Variants in FOXK2 observed in about 807,000 individuals in gnomAD.
FOXK2 encodes forkhead box K2, also known as forkhead box protein K2.
Under a neutral mutation model 53.3 loss-of-function variants are expected in FOXK2, and 24 were observed. The ratio of observed to expected loss-of-function variants is 0.45; its 90% CI spans 0.33 to 0.63. The LOEUF is 0.63. FOXK2 is among the 30% of genes least tolerant of loss of function. The pLI is 0.03. For synonymous variants in FOXK2, 505 were observed against 407.1 expected, an observed-to-expected ratio of 1.24 and a Z score of -2.89; for missense variants, 952 against 910.5, an observed-to-expected ratio of 1.05 and a Z score of -0.59.
At chr17:82,578,600 G>A (rs913693536) in intron 4 of FOXK2, 1 of 152,152 alleles carries the variant, frequency 6.6e-6, no homozygotes, top group Non-Finnish European at 1.5e-5. Context: ...TACATTAAAT[G>A]TCTCATTAAT....
intron 4 of FOXK2, among the ~76,000 whole-genome samples, chr17:82,575,629 C>T (rs2044973296): frequency 6.6e-6 from 1 of 152,182 alleles, no homozygotes; most frequent in Non-Finnish European, 1.5e-5. Flanking sequence ...GACACAAGGA[C>T]TGCAAATGTT....
At chr17:82,596,360 G>A (rs944191092) in intron 8 of FOXK2, among the ~76,000 whole-genome samples, 28 of 150,894 alleles carry the variant, frequency 1.9e-4, no homozygotes, top group African/African-American at 6.6e-4. Context: ...CATGCTTGGT[G>A]TAGGGGGACC....
At chr17:82,568,252 C>T (rs1163934228) in intron 3 of FOXK2, 51 bp downstream of exon 3, 2 of 1,598,554 alleles carry the variant, frequency 1.3e-6, no homozygotes, top group Admixed American at 1.8e-5. Flanking sequence ...TGTGTAGCCA[C>T]AGGGCCCTCA....
intron 1 of FOXK2, among the ~76,000 whole-genome samples, chr17:82,544,037 A>G (rs2144078309): frequency 6.6e-6 from 1 of 152,004 alleles, no homozygotes; most frequent in East Asian, 1.9e-4. Context: ...CAGCCTCCCA[A>G]AGTGCTCGGA....
At chr17:82,531,041 C>T (rs1010367492) in intron 1 of FOXK2, among the ~76,000 whole-genome samples, 2 of 152,112 alleles carry the variant, frequency 1.3e-5, no homozygotes, top group African/African-American at 2.4e-5. Context: ...AGGACCTGTT[C>T]CCACTTTGCC....
chr17:82,586,962 C>G lies in FOXK2; in HGVS notation c.1577-101C>G, dbSNP rs1004152288. On this transcript the variant is annotated intron_variant, in intron 7 of 8. Transcript: ENST00000335255. ...TTGCTGTTTGTTTTAGAGACATTTT[C>G]TAGCAGGTGTGATAGCTATCTGGTT... 9 of 1,049,414 alleles carry G rather than the reference C, an allele frequency of 8.6e-6. No homozygotes were observed. In the Admixed American group the frequency reaches 1.9e-4, roughly 22 times the overall value. 65.0% of individuals were successfully genotyped at this position (1,049,414 alleles called of 1,614,324 possible).
chr17:82,586,781 A>G (rs1290787920), intron 7 of FOXK2, among the ~76,000 whole-genome samples: 1 of 152,042 alleles, frequency 6.6e-6, no homozygotes, highest in Non-Finnish European at 1.5e-5. Flanking sequence ...GGTGCCTGTA[A>G]TCCCAGCTAC....
intron 2 of FOXK2, among the ~76,000 whole-genome samples, chr17:82,566,820 C>T (rs958261346): frequency 2.6e-5 from 4 of 152,206 alleles, no homozygotes; most frequent in Non-Finnish European, 5.9e-5. Flanking sequence ...CCGGGGCCTC[C>T]AGGTGGAGCG....
At chr17:82,585,068 C>G (rs558623220) in intron 6 of FOXK2, among the ~76,000 whole-genome samples, 1 of 152,362 alleles carries the variant, frequency 6.6e-6, no homozygotes, top group Admixed American at 6.5e-5. Flanking sequence ...TGGCGGTGGC[C>G]CCTGACAGCC....
At chr17:82,534,533 G>A (rs1338159157) in intron 1 of FOXK2, among the ~76,000 whole-genome samples, 1 of 152,178 alleles carries the variant, frequency 6.6e-6, no homozygotes, top group Non-Finnish European at 1.5e-5. Context: ...TCAGGCTAGA[G>A]GAGGGGCCAG....
chr17:82,540,450 G>T (rs2044563877), intron 1 of FOXK2, among the ~76,000 whole-genome samples: 1 of 152,138 alleles, frequency 6.6e-6, no homozygotes, highest in Non-Finnish European at 1.5e-5. Context: ...TAATCTGTTT[G>T]AAGCCTTTCC....
chr17:82,586,066 C>T lies in FOXK2; in HGVS notation c.1442C>T (p.Ser481Leu), dbSNP rs764977968. 5.0e-5 allele frequency: 81 copies of T among 1,612,706 alleles called. No homozygotes were observed. Among genetic ancestry groups the T allele is most frequent in the African/African-American group, 1.2e-4 (9 of 74,946 alleles). ...VHVVHQIPAV[S>L]VTSVAGLAPA... ...GTCGTCCACCAGATCCCAGCGGTGT[C>T]GGTCACCAGTGTGGCCGGACTGGCC... Residue 481 changes from serine (S) to leucine (L), a missense_variant, in exon 7 of 9, where the codon TCG becomes TTG. Around this residue, in one of 5 missense-constraint regions of FOXK2, gnomAD observed 551 missense variants for 385.1 expected, o/e 1.43. Coordinates refer to ENST00000335255, the MANE Select transcript of FOXK2 (RefSeq NM_004514.4).
At chr17:82,575,385 CCAGT>C (rs1567979557) in intron 4 of FOXK2, among the ~76,000 whole-genome samples, 3 of 152,044 alleles carry the variant, frequency 2.0e-5, no homozygotes, top group African/African-American at 4.8e-5. Context: ...TCGTAGGTGC[CCAGT>C]CAAATAGGAA....
chr17:82,558,048 TG>T (rs2044750877), intron 1 of FOXK2, among the ~76,000 whole-genome samples: 1 of 152,056 alleles, frequency 6.6e-6, no homozygotes, highest in African/African-American at 2.4e-5. Flanking sequence ...TTGGAAACAT[TG>T]GGGTTGGGTA....
intron 1 of FOXK2, among the ~76,000 whole-genome samples, chr17:82,531,329 G>A (rs554518868): frequency 1.6e-4 from 24 of 152,200 alleles, no homozygotes; most frequent in Non-Finnish European, 2.9e-4. Context: ...AGTTATAAAT[G>A]TAAGTCAGAT....
chr17:82,565,663 G>T (rs1278308229), intron 2 of FOXK2, among the ~76,000 whole-genome samples: 2 of 152,088 alleles, frequency 1.3e-5, no homozygotes, highest in Admixed American at 1.3e-4. Context: ...AGAAAATAGT[G>T]TTAGTGAGGA....
chr17:82,594,146 G>T (rs1009198766), intron 8 of FOXK2, among the ~76,000 whole-genome samples: 22 of 152,202 alleles, frequency 1.4e-4, no homozygotes, highest in Non-Finnish European at 2.9e-5. Flanking sequence ...CCCACAACTG[G>T]GGTGTTGTCA....
At chr17:82,586,750 A>T (rs1296454058) in intron 7 of FOXK2, among the ~76,000 whole-genome samples, 2 of 152,030 alleles carry the variant, frequency 1.3e-5, no homozygotes, top group African/African-American at 2.4e-5. Flanking sequence ...AAAAATACAA[A>T]ATCAGCTGGG....
chr17:82,560,879 G>GAACA (rs1567974420), intron 1 of FOXK2, among the ~76,000 whole-genome samples: 2 of 152,094 alleles, frequency 1.3e-5, no homozygotes, highest in Admixed American at 6.6e-5. Context: ...AGGATCGCTT[G>GAACA]AGCCTGTGAG....
Sources: allele counts gnomAD v4.1 joint callset (sites outside exome capture counted in the v4.1 genomes callset), GRCh38; gene constraint gnomAD v4.1.1; regional missense constraint gnomAD v4.1.1; transcripts MANE v1.5; gene names NCBI Gene and HGNC (gene_info 2026-07-23, HGNC 2026-07-21).